CADM2: variants seen among roughly 807,000 people sequenced by gnomAD.
CADM2 encodes cell adhesion molecule 2, also known as immunoglobulin superfamily member 4D.
CADM2 carries 12 observed loss-of-function variants against 49.8 expected under a neutral mutation model. The ratio of observed to expected loss-of-function variants is 0.24; its 90% CI spans 0.15 to 0.39. CADM2 has a LOEUF of 0.39. Ranked by LOEUF, CADM2 falls within the 10% of genes least tolerant of loss-of-function variation. CADM2 has a pLI of 1.00. For missense variants in CADM2, 378 were observed against 492.3 expected, an observed-to-expected ratio of 0.77 and a Z score of 2.20; for synonymous variants, 214 against 175.4, an observed-to-expected ratio of 1.22 and a Z score of -1.74.
At chr3:85,796,126 A>C (rs1041298899) in intron 2 of CADM2, among the ~76,000 whole-genome samples, 1 of 152,204 alleles carries the variant, frequency 6.6e-6, no homozygotes, top group African/African-American at 2.4e-5. Context: ...TTGATCATCA[A>C]AATGTCATCT....
intron 1 of CADM2, among the ~76,000 whole-genome samples, chr3:85,233,022 T>G (rs2042331478): frequency 6.6e-6 from 1 of 152,052 alleles, no homozygotes; most frequent in Non-Finnish European, 1.5e-5. Context: ...TATAAGCAAA[T>G]GAGGTAATTC....
rs202229768 is a variant in CADM2, at chr3:85,499,457, C to T, written c.62-227065C>T. On this transcript the variant is annotated intron_variant, in intron 1 of 9. Transcript: ENST00000383699. ...CTCTGACATTCTCATTGGCAATTATCGGCCACTGTTGTGTGTGTGTGACAA... is the reference window on the plus strand; with the variant it reads ...CTCTGACATTCTCATTGGCAATTATTGGCCACTGTTGTGTGTGTGTGACAA... 3.3e-5 allele frequency among the ~76,000 whole-genome samples: 5 copies of T among 151,772 alleles called. No individual in the cohort carries two copies. The East Asian group carries it at 7.7e-4, about 23-fold the overall frequency.
chr3:85,004,030 A>G (rs932091881), intron 1 of CADM2, among the ~76,000 whole-genome samples: 9 of 152,144 alleles, frequency 5.9e-5, no homozygotes, highest in African/African-American at 2.2e-4. Flanking sequence ...TCGGTTCACA[A>G]ACTTTTTAAG....
chr3:85,197,835 C>T (rs116357858), intron 1 of CADM2, among the ~76,000 whole-genome samples: 5,434 of 151,908 alleles, frequency 0.036, 125 homozygotes, highest in Middle Eastern at 0.058. Flanking sequence ...TAATTAAAAG[C>T]GTAACTTGTC....
chr3:85,893,477 A>C (rs1714760407), intron 5 of CADM2, among the ~76,000 whole-genome samples: 2 of 152,218 alleles, frequency 1.3e-5, no homozygotes, highest in Non-Finnish European at 2.9e-5. Context: ...AATGGCAACA[A>C]AAGCCAAAAT....
At chr3:85,058,408 T>TTTG (rs978284621) in intron 1 of CADM2, among the ~76,000 whole-genome samples, 4 of 152,082 alleles carry the variant, frequency 2.6e-5, no homozygotes, top group Admixed American at 1.3e-4. Context: ...TATGTGAATT[T>TTTG]TTGTTGTTGT....
At chr3:85,879,857 AGT>A (rs920774028) in intron 3 of CADM2, among the ~76,000 whole-genome samples, 1 of 151,968 alleles carries the variant, frequency 6.6e-6, no homozygotes, top group Non-Finnish European at 1.5e-5. Flanking sequence ...CATATGTGTA[AGT>A]GTGTGTGTGT....
chr3:85,036,770 A>G (rs1435447425), intron 1 of CADM2, among the ~76,000 whole-genome samples: 1 of 152,078 alleles, frequency 6.6e-6, no homozygotes, highest in Non-Finnish European at 1.5e-5. Context: ...CTTTAATCTT[A>G]GGGGTAAGTA....
At chr3:85,038,436 G>A (rs2035306535) in intron 1 of CADM2, among the ~76,000 whole-genome samples, 2 of 152,306 alleles carry the variant, frequency 1.3e-5, no homozygotes, top group South Asian at 4.1e-4. Flanking sequence ...TTTATGCTAT[G>A]GGTCTCAAGG....
chr3:85,513,107 A>G (rs1448732853), intron 1 of CADM2, among the ~76,000 whole-genome samples: 1 of 152,062 alleles, frequency 6.6e-6, no homozygotes. Context: ...ATTGCTTATA[A>G]TTATTTTAAA....
rs112238451 is a variant in CADM2, at chr3:84,992,891, G to A, written c.61+33223G>A. On this transcript the variant is annotated intron_variant, in intron 1 of 9. Transcript: ENST00000383699. ...AGAATTTGTGCAAGAGATGGAGGTA[G>A]AGACGAGCAGCCTTTTCAAGTAGTA... Among the ~76,000 whole-genome samples the A allele has an allele frequency of 8.3e-4, 127 of 152,288 alleles. No individual in the cohort carries two copies. The Middle Eastern group carries it at 0.017, about 20-fold the overall frequency.
intron 1 of CADM2, among the ~76,000 whole-genome samples, chr3:85,491,947 C>CAAA (rs11392788): frequency 0.11 from 15,032 of 134,362 alleles, 1,070 homozygotes; most frequent in Non-Finnish European, 0.14. Context: ...GAGACTGTCT[C>CAAA]AAAAAAAAAA....
chr3:86,040,559 C>T (rs1454374444), intron 8 of CADM2, among the ~76,000 whole-genome samples: 3 of 152,106 alleles, frequency 2.0e-5, no homozygotes, highest in Admixed American at 2.0e-4. Flanking sequence ...ACCAACAAAG[C>T]CTCCAAGAAA....
At chr3:86,024,213 C>T (rs59491767) in intron 8 of CADM2, among the ~76,000 whole-genome samples, 3,126 of 152,272 alleles carry the variant, frequency 0.021, 89 homozygotes, top group African/African-American at 0.062. Flanking sequence ...AGGCTGACCC[C>T]TTTAACAGGC....
chr3:85,906,746 A>T (rs1032143133), intron 5 of CADM2, among the ~76,000 whole-genome samples: 1 of 152,212 alleles, frequency 6.6e-6, no homozygotes, highest in Non-Finnish European at 1.5e-5. Context: ...AAAGTTATAC[A>T]ATGTAAAATA....
intron 1 of CADM2, among the ~76,000 whole-genome samples, chr3:85,338,701 G>T (rs1428336754): frequency 2.6e-5 from 4 of 151,494 alleles, no homozygotes; most frequent in East Asian, 1.9e-4. Context: ...ACAAAAACTG[G>T]TTTTTCTGAT....
At chr3:85,511,783 C>A in intron 1 of CADM2, 1 of 569,260 alleles carries the variant, frequency 1.8e-6, no homozygotes, top group Non-Finnish European at 2.2e-6. Context: ...CACCATCTCT[C>A]ATTTTGTCCA....
intron 1 of CADM2, among the ~76,000 whole-genome samples, chr3:85,173,397 T>C (rs986995547): frequency 2.0e-5 from 3 of 152,186 alleles, no homozygotes; most frequent in African/African-American, 4.8e-5. Context: ...CAATAGGGGA[T>C]ATTTTCTATT....
At chr3:85,106,227 G>T (rs2038218978) in intron 1 of CADM2, among the ~76,000 whole-genome samples, 1 of 152,114 alleles carries the variant, frequency 6.6e-6, no homozygotes, top group African/African-American at 2.4e-5. Flanking sequence ...CATTATGAAG[G>T]TTGCATTGAT....
Sources: allele counts gnomAD v4.1 joint callset (sites outside exome capture counted in the v4.1 genomes callset), GRCh38; gene constraint gnomAD v4.1.1; transcripts MANE v1.5; gene names NCBI Gene and HGNC (gene_info 2026-07-23, HGNC 2026-07-21).